Variants in MCCC1 observed in about 807,000 individuals in gnomAD.
MCCC1 encodes methylcrotonyl-CoA carboxylase subunit 1.
MCCC1 carries 64 observed loss-of-function variants against 83.8 expected under a neutral mutation model. The observed-to-expected ratio is 0.76, with a 90% confidence interval of 0.62 to 0.94. The LOEUF is 0.94. Ranked by LOEUF, MCCC1 falls within the 40% of genes least tolerant of loss-of-function variation. The pLI is 0.00. For missense variants in MCCC1, 807 were observed against 904.7 expected, an observed-to-expected ratio of 0.89 and a Z score of 1.39; for synonymous variants, 322 against 315.4, an observed-to-expected ratio of 1.02 and a Z score of -0.22.
chr3:183,094,504 T>C lies in MCCC1; in HGVS notation c.136+55A>G, dbSNP rs139488263. 1,958 of 1,550,900 alleles carry C rather than the reference T, an allele frequency of 1.3e-3. 3 individuals carry two copies. The highest frequency in any genetic ancestry group is 1.8e-3 in the Admixed American group (105 of 59,942). On this transcript the variant is annotated intron_variant, in intron 2 of 18. Transcript: ENST00000265594. ...TTAAGGGATTAAACATTTCCCTTTC[T>C]TAAACACTTCCAGTCTGAAGCAAAA...
exon 1 of MCCC1, chr3:183,115,930 G>A (rs1192542714): frequency 6.6e-6 from 1 of 152,262 alleles, no homozygotes; most frequent in African/African-American, 2.4e-5. Flanking sequence ...CAACACCACG[G>A]AGTGGGCACA....
At chr3:183,113,058 T>C (rs1396416821) in intron 1 of MCCC1, among the ~76,000 whole-genome samples, 1 of 151,962 alleles carries the variant, frequency 6.6e-6, no homozygotes, top group Admixed American at 6.6e-5. Flanking sequence ...ACTCCGTCTC[T>C]ACTAAAAATA....
chr3:183,102,524 T>TG (rs1420881366), upstream of MCCC1, among the ~76,000 whole-genome samples: 1 of 152,054 alleles, frequency 6.6e-6, no homozygotes, highest in Non-Finnish European at 1.5e-5. Flanking sequence ...AAAACTTATA[T>TG]TCACAGAGGC....
intron 15 of MCCC1, chr3:183,022,842 T>C (rs984116628): frequency 4.6e-6 from 1 of 218,048 alleles, no homozygotes; most frequent in African/African-American, 2.3e-5. Flanking sequence ...AAAGATAGCA[T>C]TAAAAATATG....
chr3:183,018,048 T>C (rs988824590), intron 17 of MCCC1, among the ~76,000 whole-genome samples: 2 of 152,094 alleles, frequency 1.3e-5, no homozygotes, highest in Non-Finnish European at 2.9e-5. Context: ...ACAGCCCAAA[T>C]GCACTGGTCA....
upstream of MCCC1, among the ~76,000 whole-genome samples, chr3:183,102,550 CAA>C (rs1157505642): frequency 2.6e-5 from 4 of 151,996 alleles, no homozygotes; most frequent in African/African-American, 9.6e-5. Flanking sequence ...AGGTCATTGA[CAA>C]AATCTGACCT....
intron 15 of MCCC1, among the ~76,000 whole-genome samples, chr3:183,023,727 A>C (rs2108443426): frequency 6.6e-6 from 1 of 152,328 alleles, no homozygotes; most frequent in East Asian, 1.9e-4. Context: ...GACATCTCTT[A>C]GCTCATATTA....
rs533133901 is a variant in MCCC1, at chr3:183,083,301, A to G, written c.369+3392T>C. ...ATTAGAGGAGAACTTTGTAAATTAT[A>G]ACCCACCAAATTTCCTTTCTGATCA... On this transcript the variant is annotated intron_variant, in intron 4 of 18. Coordinates refer to ENST00000265594, the MANE Select transcript of MCCC1 (RefSeq NM_020166.5). Among the ~76,000 whole-genome samples the G allele has an allele frequency of 6.6e-5, 10 of 152,308 alleles. No individual in the cohort carries two copies. The South Asian group carries it at 2.1e-3, about 32-fold the overall frequency.
At chr3:183,095,099 C>T (rs1034583895) in intron 1 of MCCC1, among the ~76,000 whole-genome samples, 2 of 152,034 alleles carry the variant, frequency 1.3e-5, no homozygotes, top group Non-Finnish European at 2.9e-5. Context: ...CTGGCTAACA[C>T]GGTGAAACCC....
At chr3:183,111,020 A>G (rs1719484886) in intron 1 of MCCC1, among the ~76,000 whole-genome samples, 1 of 152,180 alleles carries the variant, frequency 6.6e-6, no homozygotes, top group African/African-American at 2.4e-5. Context: ...GTACCAGTAC[A>G]ATTTGACATG....
rs965802215 is a variant in MCCC1 at position 183,045,448 on chromosome 3, T to C, written c.1048A>G (p.Ile350Val). Residue 350 changes from isoleucine to valine, a missense_variant, in exon 10 of 19, where the codon ATC becomes GTC. Transcript: ENST00000265594. ...CACTCCACCAAGTCAGTTCCTGTGA[T>C]CATCTCAGTAACAGGATGTTCCACT... is the stretch of plus-strand genomic sequence containing the variant. ...LQVEHPVTEM[I>V]TGTDLVEWQL... The C allele has an allele frequency of 3.1e-6, 5 of 1,614,150 alleles. No individual in the cohort carries two copies. In the Admixed American group the frequency reaches 8.3e-5, roughly 27 times the overall value.
intron 7 of MCCC1, among the ~76,000 whole-genome samples, chr3:183,060,900 T>C (rs1218798176): frequency 6.6e-6 from 1 of 152,206 alleles, no homozygotes; most frequent in Non-Finnish European, 1.5e-5. Context: ...ACAAAGGACA[T>C]GAACTCATCC....
At chr3:183,110,411 TGAG>T (rs1719473390) in intron 1 of MCCC1, among the ~76,000 whole-genome samples, 1 of 146,090 alleles carries the variant, frequency 6.8e-6, no homozygotes. Flanking sequence ...TTTTTTTTTT[TGAG>T]ACAGAGTCTC....
At chr3:183,076,500 C>A (rs1174093990) in intron 4 of MCCC1, among the ~76,000 whole-genome samples, 1 of 152,156 alleles carries the variant, frequency 6.6e-6, no homozygotes, top group South Asian at 2.1e-4. Context: ...TCTGTGTGAA[C>A]ATATTTTTCA....
At chr3:183,082,984 C>T (rs575557628) in intron 4 of MCCC1, among the ~76,000 whole-genome samples, 20 of 150,938 alleles carry the variant, frequency 1.3e-4, no homozygotes, top group East Asian at 7.8e-4. Context: ...AGTGAGACAA[C>T]GTCTTAAAAA....
intron 11 of MCCC1, 80 bp from the exon 12 acceptor site, chr3:183,039,215 T>G (rs984873313): frequency 7.7e-7 from 1 of 1,299,654 alleles, no homozygotes; most frequent in African/African-American, 1.5e-5. Flanking sequence ...TTTTGTTATG[T>G]ACATTTCACG....
intron 7 of MCCC1, among the ~76,000 whole-genome samples, chr3:183,059,689 C>G (rs1314163896): frequency 6.6e-6 from 1 of 152,154 alleles, no homozygotes; most frequent in Non-Finnish European, 1.5e-5. Flanking sequence ...CAAGACAGGT[C>G]TACTGGTGAC....
chr3:183,109,250 C>T (rs777144619), intron 1 of MCCC1, among the ~76,000 whole-genome samples: 15 of 152,134 alleles, frequency 9.9e-5, no homozygotes, highest in Non-Finnish European at 1.8e-4. Context: ...CCTCGACCTC[C>T]GAAAGTGCTG....
chr3:183,027,021 T>C (rs1014266135), intron 14 of MCCC1, among the ~76,000 whole-genome samples: 2 of 152,256 alleles, frequency 1.3e-5, no homozygotes, highest in African/African-American at 4.8e-5. Context: ...TCCAACAGCA[T>C]GTGCTCACTT....
Sources: allele counts gnomAD v4.1 joint callset (sites outside exome capture counted in the v4.1 genomes callset), GRCh38; gene constraint gnomAD v4.1.1; transcripts MANE v1.5; gene names NCBI Gene and HGNC (gene_info 2026-07-23, HGNC 2026-07-21).